GRIA2: variants seen among roughly 807,000 people sequenced by gnomAD.
GRIA2 encodes glutamate ionotropic receptor AMPA type subunit 2.
GRIA2 carries 14 observed loss-of-function variants against 97.3 expected under a neutral mutation model. The observed-to-expected ratio is 0.14, with a 90% CI of 0.10 to 0.23. The LOEUF (loss-of-function observed/expected upper bound fraction) is 0.23. Among genes scored for constraint, GRIA2 ranks in the 10% least tolerant of loss-of-function variants. The probability of loss-of-function intolerance (pLI) is 1.00; values close to 1 mark genes in which losing one functional copy is unlikely to be tolerated. For missense variants in GRIA2, 558 were observed against 1,069.8 expected (o/e 0.52, Z 6.67); for synonymous variants, 412 against 387.8 (o/e 1.06, Z -0.73).
At chr4:157,231,887 T>C (rs1730036100) in intron 2 of GRIA2, among the ~76,000 whole-genome samples, 1 of 152,214 alleles carries the variant, frequency 6.6e-6, no homozygotes, top group Admixed American at 6.5e-5. Context: ...ATTTAAATTA[T>C]TTTTCACAAT....
chr4:157,310,885 C>G (rs1263170855), intron 3 of GRIA2, among the ~76,000 whole-genome samples: 2 of 151,884 alleles, frequency 1.3e-5, no homozygotes, highest in Non-Finnish European at 2.9e-5. Context: ...TGATGAAATT[C>G]AAGTTTACAT....
chr4:157,350,616 C>T (rs1240884902), intron 12 of GRIA2, among the ~76,000 whole-genome samples: 1 of 151,000 alleles, frequency 6.6e-6, no homozygotes, highest in Non-Finnish European at 1.5e-5. Context: ...TCTTCAGTTA[C>T]TACAATCACA....
At chr4:157,266,555 G>A (rs895428009) in intron 2 of GRIA2, among the ~76,000 whole-genome samples, 1 of 152,014 alleles carries the variant, frequency 6.6e-6, no homozygotes, top group South Asian at 2.1e-4. Context: ...AAAAGTCCTC[G>A]GAGACCTTGG....
chr4:157,261,897 G>A (rs1731552201), intron 2 of GRIA2, among the ~76,000 whole-genome samples: 1 of 151,974 alleles, frequency 6.6e-6, no homozygotes. Flanking sequence ...GCATCAGTCT[G>A]TGGAAGACCT....
At chr4:157,226,867 C>A (rs1729769675) in intron 2 of GRIA2, among the ~76,000 whole-genome samples, 1 of 152,068 alleles carries the variant, frequency 6.6e-6, no homozygotes, top group South Asian at 2.1e-4. Flanking sequence ...GGACACAATA[C>A]CGTAAAAGCT....
At chr4:157,307,508 G>A (rs1733894905) in intron 3 of GRIA2, among the ~76,000 whole-genome samples, 1 of 152,130 alleles carries the variant, frequency 6.6e-6, no homozygotes, top group African/African-American at 2.4e-5. Context: ...GCAACAGCCT[G>A]ACACTCCTTG....
intron 2 of GRIA2, among the ~76,000 whole-genome samples, chr4:157,278,337 G>A (rs1284105587): frequency 6.6e-6 from 1 of 151,852 alleles, no homozygotes; most frequent in South Asian, 2.1e-4. Context: ...ATAGTCAACT[G>A]ATTATGACAA....
chr4:157,258,073 G>T (rs1183538470), intron 2 of GRIA2, among the ~76,000 whole-genome samples: 3 of 151,996 alleles, frequency 2.0e-5, no homozygotes, highest in Non-Finnish European at 4.4e-5. Context: ...CCTAAGCTGA[G>T]GATGTATGTC....
chr4:157,317,912 G>T (rs1180794988), intron 5 of GRIA2, among the ~76,000 whole-genome samples: 1 of 152,040 alleles, frequency 6.6e-6, no homozygotes, highest in Non-Finnish European at 1.5e-5. Context: ...GAAGGCGGAG[G>T]TTGCAGTGAG....
At chr4:157,329,860 T>C (rs995497443) in intron 6 of GRIA2, among the ~76,000 whole-genome samples, 4 of 151,922 alleles carry the variant, frequency 2.6e-5, no homozygotes, top group Admixed American at 1.3e-4. Flanking sequence ...CCTTGCAAAA[T>C]TGTGACAATC....
intron 2 of GRIA2, among the ~76,000 whole-genome samples, chr4:157,223,420 A>G (rs572097434): frequency 6.6e-6 from 1 of 152,352 alleles, no homozygotes; most frequent in East Asian, 1.9e-4. Context: ...GAGGAGAATT[A>G]AAGTGGATTT....
intron 2 of GRIA2, among the ~76,000 whole-genome samples, chr4:157,234,603 A>G (rs539948651): frequency 6.6e-6 from 1 of 152,284 alleles, no homozygotes; most frequent in East Asian, 1.9e-4. Context: ...CATTTGTGCA[A>G]TAAAAATGAT....
intron 12 of GRIA2, among the ~76,000 whole-genome samples, chr4:157,358,874 T>C (rs568518497): frequency 6.6e-6 from 1 of 152,314 alleles, no homozygotes; most frequent in East Asian, 1.9e-4. Context: ...AAAAGTTATA[T>C]TTTTTAAATT....
chr4:157,220,672 G>A, upstream of GRIA2: 2 of 249,558 alleles, frequency 8.0e-6, no homozygotes, highest in South Asian at 5.9e-5. Flanking sequence ...GTGTGTGTGT[G>A]TGCGCGCGCG....
At chr4:157,294,966 G>T (rs1277029859) in intron 2 of GRIA2, among the ~76,000 whole-genome samples, 1 of 152,138 alleles carries the variant, frequency 6.6e-6, no homozygotes, top group East Asian at 1.9e-4. Context: ...TAAAGAATGA[G>T]ACTATCACTT....
At chr4:157,325,469 AG>A (rs1427149911) in intron 6 of GRIA2, among the ~76,000 whole-genome samples, 1 of 152,178 alleles carries the variant, frequency 6.6e-6, no homozygotes, top group Non-Finnish European at 1.5e-5. Context: ...GCACTGTTCT[AG>A]GTGTCAGAGA....
chr4:157,236,991 C>T (rs1730280928), intron 2 of GRIA2, among the ~76,000 whole-genome samples: 1 of 152,066 alleles, frequency 6.6e-6, no homozygotes, highest in Non-Finnish European at 1.5e-5. Flanking sequence ...TTTATGAATA[C>T]ACATATTCTT....
At chr4:157,261,785 A>C (rs1318634351) in intron 2 of GRIA2, among the ~76,000 whole-genome samples, 1 of 151,928 alleles carries the variant, frequency 6.6e-6, no homozygotes, top group Admixed American at 6.6e-5. Flanking sequence ...TTTTGAAAAT[A>C]TGTGTCTTTT....
intron 12 of GRIA2, among the ~76,000 whole-genome samples, chr4:157,359,674 T>C (rs761072748): frequency 2.0e-5 from 3 of 152,160 alleles, no homozygotes; most frequent in African/African-American, 7.2e-5. Flanking sequence ...TTGTTTACCA[T>C]AGTAAATCGA....
Sources: allele counts gnomAD v4.1 joint callset (sites outside exome capture counted in the v4.1 genomes callset), GRCh38; gene constraint gnomAD v4.1.1; transcripts MANE v1.5; gene names NCBI Gene and HGNC (gene_info 2026-07-23, HGNC 2026-07-21).